ATP6V1E1: variants seen among roughly 807,000 people sequenced by gnomAD.
ATP6V1E1 encodes ATPase H+ transporting V1 subunit E1, also known as V-type proton ATPase subunit E 1.
ATP6V1E1 carries 21 observed loss-of-function variants against 35.2 expected under a neutral mutation model. That is an observed-to-expected ratio of 0.60 (90% CI 0.42 to 0.86). ATP6V1E1 has a LOEUF of 0.86. ATP6V1E1 is among the 40% of genes least tolerant of loss of function. The pLI, the probability that ATP6V1E1 is intolerant of heterozygous loss-of-function variation, is 0.00. For missense variants in ATP6V1E1, 183 were observed against 272.6 expected, an observed-to-expected ratio of 0.67 and a Z score of 2.32; for synonymous variants, 83 against 87.8, an observed-to-expected ratio of 0.95 and a Z score of 0.30.
rs374367176 is a variant in ATP6V1E1 at position 17,627,018 on chromosome 22, C to T, written c.33+1585G>A. Among the ~76,000 whole-genome samples the T allele has an allele frequency of 5.9e-5, 9 of 151,838 alleles. No homozygotes were observed. In the East Asian group the frequency reaches 1.6e-3, roughly 26 times the overall value. On this transcript the variant is annotated intron_variant, in intron 1 of 8. Transcript: ENST00000253413. ...ATATTAAAATTTTTTGAGATGGAGT[C>T]TCACTCTGTCACCCAGGCTGGAGTG...
chr22:17,614,617 A>G (rs1385814649), intron 2 of ATP6V1E1, among the ~76,000 whole-genome samples: 1 of 151,254 alleles, frequency 6.6e-6, no homozygotes, highest in Non-Finnish European at 1.5e-5. Flanking sequence ...GGTTGCAGTG[A>G]GCTGAGATCA....
intron 6 of ATP6V1E1, 76 bp downstream of exon 6, chr22:17,599,951 G>T: frequency 2.7e-6 from 3 of 1,108,780 alleles, no homozygotes; most frequent in Non-Finnish European, 3.8e-6. Context: ...AAGGAAGGAA[G>T]GAAAAGAAAG....
chr22:17,618,625 T>C (rs1285306620), intron 2 of ATP6V1E1, among the ~76,000 whole-genome samples: 1 of 138,354 alleles, frequency 7.2e-6, no homozygotes, highest in Admixed American at 8.5e-5. Flanking sequence ...GAGCTTGCAG[T>C]GAGCCAAGAT....
At chr22:17,603,337 C>T (rs2057770759) in intron 4 of ATP6V1E1, among the ~76,000 whole-genome samples, 1 of 151,658 alleles carries the variant, frequency 6.6e-6, no homozygotes, top group Non-Finnish European at 1.5e-5. Context: ...GCCGGGGCAA[C>T]AGAGTGAGAC....
intron 1 of ATP6V1E1, among the ~76,000 whole-genome samples, chr22:17,621,706 T>C (rs976816017): frequency 2.0e-5 from 3 of 152,218 alleles, no homozygotes; most frequent in Admixed American, 1.3e-4. Context: ...GAGCTCACCA[T>C]TCTTTCTCAT....
At chr22:17,621,127 T>C (rs928878637) in intron 1 of ATP6V1E1, among the ~76,000 whole-genome samples, 2 of 152,122 alleles carry the variant, frequency 1.3e-5, no homozygotes, top group African/African-American at 4.8e-5. Flanking sequence ...CCATAGTCCT[T>C]GCCATCATCT....
At chr22:17,612,977 C>T in intron 3 of ATP6V1E1, 99 bp from the exon 4 acceptor site, 1 of 1,169,656 alleles carries the variant, frequency 8.5e-7, no homozygotes, top group East Asian at 2.5e-5. Flanking sequence ...CCTTGGCCTC[C>T]CCAAAGCACC....
intron 1 of ATP6V1E1, among the ~76,000 whole-genome samples, chr22:17,625,561 G>T (rs747744819): frequency 1.4e-5 from 2 of 146,302 alleles, no homozygotes; most frequent in East Asian, 2.0e-4. Context: ...GATTACAGGC[G>T]TGAGCCGGCC....
At chr22:17,628,467 G>A in intron 1 of ATP6V1E1, 136 bp downstream of exon 1, 2 of 1,241,808 alleles carry the variant, frequency 1.6e-6, no homozygotes, top group Admixed American at 3.5e-5. Flanking sequence ...CCGACCTCTT[G>A]GATCTGGTGA....
chr22:17,626,561 C>T (rs1453995796), intron 1 of ATP6V1E1, among the ~76,000 whole-genome samples: 1 of 144,750 alleles, frequency 6.9e-6, no homozygotes, highest in African/African-American at 2.6e-5. Context: ...TTTTTTGAGA[C>T]AGTCTCGCTC....
In ATP6V1E1 at chr22:17,612,864, A is replaced by C; in HGVS notation, c.224T>G (p.Leu75Trp). Residue 75 changes from leucine to tryptophan, a missense_variant, in exon 4 of 9, where the codon TTG becomes TGG. Leu to Trp is a moderately conservative substitution (Grantham distance 61). Transcript: ENST00000253413. Reference protein sequence around the residue: ...EQQKKIQMSNLMNQARLKVLR... With the variant: ...EQQKKIQMSNWMNQARLKVLR... ...GACTTTGAGTCTCGCTTGATTCATC[A>C]AATTGGACATCTGACTGCAAAACGG... 1 of 1,609,556 alleles carries C rather than the reference A, an allele frequency of 6.2e-7. No homozygotes were observed.
intron 6 of ATP6V1E1, among the ~76,000 whole-genome samples, chr22:17,599,696 G>A (rs897999062): frequency 1.3e-5 from 2 of 149,374 alleles, no homozygotes; most frequent in African/African-American, 4.9e-5. Flanking sequence ...GAGGCGGGTG[G>A]ATCACCTGAG....
chr22:17,612,149 C>T (rs2300690), intron 4 of ATP6V1E1, among the ~76,000 whole-genome samples: 63,573 of 151,874 alleles, frequency 0.42, 15,131 homozygotes, highest in African/African-American at 0.65. Flanking sequence ...ATGGTAATTT[C>T]GTTTCTTCTA....
At chr22:17,604,601 C>A (rs548150486) in intron 4 of ATP6V1E1, among the ~76,000 whole-genome samples, 4 of 151,580 alleles carry the variant, frequency 2.6e-5, no homozygotes, top group African/African-American at 7.3e-5. Context: ...CTCACTGCAA[C>A]CTCCGCCCCC....
chr22:17,620,847 A>T (rs2057872919), intron 1 of ATP6V1E1, among the ~76,000 whole-genome samples: 1 of 152,078 alleles, frequency 6.6e-6, no homozygotes, highest in African/African-American at 2.4e-5. Flanking sequence ...GCGGATCACG[A>T]GGTCAGGAGA....
intron 4 of ATP6V1E1, among the ~76,000 whole-genome samples, chr22:17,602,349 T>C (rs5992756): frequency 0.35 from 52,729 of 151,726 alleles, 9,493 homozygotes; most frequent in African/African-American, 0.41. Context: ...TGTTAAGTAA[T>C]AAGGCTTAAG....
chr22:17,593,178 C>T (rs969813335), intron 8 of ATP6V1E1, among the ~76,000 whole-genome samples: 1 of 152,060 alleles, frequency 6.6e-6, no homozygotes, highest in East Asian at 1.9e-4. Flanking sequence ...CAAAGCCACC[C>T]TCTCCTTCCC....
chr22:17,606,726 A>G (rs542794520), intron 4 of ATP6V1E1, among the ~76,000 whole-genome samples: 4 of 152,314 alleles, frequency 2.6e-5, no homozygotes, highest in African/African-American at 7.2e-5. Flanking sequence ...TTCTCATGCC[A>G]TAACAATCTG....
At chr22:17,607,684 CA>C (rs2057793302) in intron 4 of ATP6V1E1, among the ~76,000 whole-genome samples, 1 of 152,196 alleles carries the variant, frequency 6.6e-6, no homozygotes, top group South Asian at 2.1e-4. Context: ...TCCTCTAACA[CA>C]AATGTAACCA....
Sources: allele counts gnomAD v4.1 joint callset (sites outside exome capture counted in the v4.1 genomes callset), GRCh38; gene constraint gnomAD v4.1.1; transcripts MANE v1.5; gene names NCBI Gene and HGNC (gene_info 2026-07-23, HGNC 2026-07-21).